SLC30A4: variants seen among roughly 807,000 people sequenced by gnomAD.
SLC30A4 encodes the protein probable proton-coupled zinc antiporter SLC30A4.
A neutral mutation model predicts 41.7 loss-of-function variants in SLC30A4; 20 were observed. The ratio of observed to expected loss-of-function variants is 0.48; its 90% CI spans 0.34 to 0.70. SLC30A4 has a LOEUF of 0.70. Ranked by LOEUF, SLC30A4 falls within the 30% of genes least tolerant of loss-of-function variation. The probability of loss-of-function intolerance (pLI) is 0.01; values close to 1 mark genes in which losing one functional copy is unlikely to be tolerated. For missense variants in SLC30A4, 441 were observed against 529.3 expected (o/e 0.83, Z 1.64); for synonymous variants, 181 against 195.9 (o/e 0.92, Z 0.64).
Position 45,480,802 on chromosome 15 carries a change from A to G in SLC30A4, c.*4361T>C, listed in dbSNP as rs1891591333. 1 of 152,222 alleles carries G rather than the reference A, an allele frequency of 6.6e-6. No homozygotes were observed. The highest frequency in any genetic ancestry group is 6.5e-5 in the Admixed American group (1 of 15,274). 9.4% of individuals were successfully genotyped at this position (152,222 alleles called of 1,614,324 possible). ...ATCAAATAAGTCTACAAAAGCTGTG[A>G]GAGTGGCTGAGAAACACGACCCAAA... On this transcript the variant is annotated 3_prime_UTR_variant, in exon 8 of 8. Transcript: ENST00000261867.
intron 3 of SLC30A4, among the ~76,000 whole-genome samples, chr15:45,494,998 C>G (rs369570913): frequency 7.2e-5 from 11 of 152,010 alleles, no homozygotes; most frequent in East Asian, 5.8e-4. Flanking sequence ...GTCTCTCCCC[C>G]CAAAATTGGC....
At chr15:45,518,665 C>T (rs1363583887) in intron 2 of SLC30A4, among the ~76,000 whole-genome samples, 6 of 152,070 alleles carry the variant, frequency 3.9e-5, no homozygotes, top group East Asian at 3.9e-4. Flanking sequence ...TGGGCTCAAC[C>T]GATCCTGCCA....
At chr15:45,510,666 A>G (rs1425328644) in intron 3 of SLC30A4, among the ~76,000 whole-genome samples, 1 of 152,250 alleles carries the variant, frequency 6.6e-6, no homozygotes, top group Non-Finnish European at 1.5e-5. Context: ...AAACAGGCAA[A>G]TAAAAATGTG....
At chr15:45,494,925 G>A (rs1480831790) in intron 3 of SLC30A4, among the ~76,000 whole-genome samples, 1 of 152,020 alleles carries the variant, frequency 6.6e-6, no homozygotes, top group Non-Finnish European at 1.5e-5. Context: ...TTGGGAAGCT[G>A]AGGGGGGAGG....
chr15:45,485,763 G>C (rs1398615373), intron 7 of SLC30A4, among the ~76,000 whole-genome samples: 3 of 151,326 alleles, frequency 2.0e-5, no homozygotes, highest in Admixed American at 1.3e-4. Flanking sequence ...TGTTGCCCAG[G>C]CTGGAGTACA....
intron 3 of SLC30A4, among the ~76,000 whole-genome samples, chr15:45,505,642 G>A (rs1468404087): frequency 6.6e-6 from 1 of 152,202 alleles, no homozygotes; most frequent in Non-Finnish European, 1.5e-5. Context: ...TGATCTGGAG[G>A]TGGAACTCTA....
intron 3 of SLC30A4, 72 bp downstream of exon 3, chr15:45,511,066 T>G: frequency 8.5e-7 from 1 of 1,177,958 alleles, no homozygotes; most frequent in Non-Finnish European, 1.2e-6. Context: ...ACGAGTTCAG[T>G]TAATCAGGGT....
At chr15:45,518,067 C>G (rs1343479527) in intron 2 of SLC30A4, among the ~76,000 whole-genome samples, 1 of 152,254 alleles carries the variant, frequency 6.6e-6, no homozygotes, top group Non-Finnish European at 1.5e-5. Flanking sequence ...TTCCTCCTGC[C>G]TCTTTCCCTC....
intron 3 of SLC30A4, among the ~76,000 whole-genome samples, chr15:45,505,133 AG>A (rs1325688930): frequency 6.6e-6 from 1 of 152,026 alleles, no homozygotes; most frequent in African/African-American, 2.4e-5. Flanking sequence ...TGGGAAGCTA[AG>A]GCAGAAGAAT....
chr15:45,497,180 G>T (rs1028193959), intron 3 of SLC30A4: 1 of 152,118 alleles, frequency 6.6e-6, no homozygotes, highest in Non-Finnish European at 1.5e-5. Flanking sequence ...CAATTCTCCT[G>T]CCTCAGCCTC....
intron 3 of SLC30A4, among the ~76,000 whole-genome samples, chr15:45,492,251 G>A (rs1259134634): frequency 6.9e-6 from 1 of 145,332 alleles, no homozygotes; most frequent in Admixed American, 6.9e-5. Context: ...CATCCTAAAT[G>A]TCCACCAAAG....
At chr15:45,498,789 A>T (rs1337675663) in intron 3 of SLC30A4, among the ~76,000 whole-genome samples, 1 of 152,228 alleles carries the variant, frequency 6.6e-6, no homozygotes, top group Non-Finnish European at 1.5e-5. Context: ...TAATAGGCAT[A>T]ACTTTTGTCA....
intron 2 of SLC30A4, among the ~76,000 whole-genome samples, chr15:45,520,416 CCCA>C (rs1223141461): frequency 6.6e-6 from 1 of 151,888 alleles, no homozygotes; most frequent in Admixed American, 6.6e-5. Context: ...ATTACAGGCG[CCCA>C]CCACAACGTC....
chr15:45,521,215 C>G lies in SLC30A4; in HGVS notation c.391+749G>C, dbSNP rs559455400. On this transcript the variant is annotated intron_variant, in intron 2 of 7. Coordinates refer to ENST00000261867, the MANE Select transcript of SLC30A4 (RefSeq NM_013309.6). Reference sequence around the variant, plus strand: ...TTATACTGACGTGATTGAAAATAACCTCTAAACTAAGAATGTATCTTATAT... The same window carrying G: ...TTATACTGACGTGATTGAAAATAACGTCTAAACTAAGAATGTATCTTATAT... Among the ~76,000 whole-genome samples the G allele has an allele frequency of 2.6e-5, 4 of 152,238 alleles. No homozygotes were observed. In the East Asian group the frequency reaches 5.8e-4, roughly 22 times the overall value.
At chr15:45,510,131 G>T (rs1418013850) in intron 3 of SLC30A4, among the ~76,000 whole-genome samples, 1 of 151,696 alleles carries the variant, frequency 6.6e-6, no homozygotes, top group African/African-American at 2.4e-5. Context: ...TCCAGCCTGG[G>T]CAACAGAATA....
chr15:45,515,678 T>TA (rs1285626759), intron 2 of SLC30A4: 1 of 151,272 alleles, frequency 6.6e-6, no homozygotes, highest in Admixed American at 6.6e-5. Flanking sequence ...AATAAATAAA[T>TA]AATAAATAAT....
intron 4 of SLC30A4, among the ~76,000 whole-genome samples, chr15:45,489,375 C>G (rs1434188367): frequency 6.6e-6 from 1 of 151,898 alleles, no homozygotes; most frequent in Non-Finnish European, 1.5e-5. Flanking sequence ...GAAGGCCTCT[C>G]AGATTTTCTC....
intron 2 of SLC30A4, among the ~76,000 whole-genome samples, chr15:45,517,873 G>C (rs753415565): frequency 1.3e-5 from 2 of 151,766 alleles, no homozygotes; most frequent in Admixed American, 6.6e-5. Context: ...GCACGAACCC[G>C]GGAGGCAGAG....
chr15:45,501,572 C>T (rs1430523544), intron 3 of SLC30A4, among the ~76,000 whole-genome samples: 2 of 152,204 alleles, frequency 1.3e-5, no homozygotes, highest in East Asian at 3.8e-4. Flanking sequence ...GTGCACATAG[C>T]TCACTGCAGC....
Sources: gnomAD v4.1 joint callset for allele counts (sites outside exome capture counted in the v4.1 genomes callset) on GRCh38, gnomAD v4.1.1 for gene constraint, MANE v1.5 for transcripts, NCBI Gene and HGNC (gene_info 2026-07-23, HGNC 2026-07-21) for gene names.